OVCH1: variants seen among roughly 807,000 people sequenced by gnomAD.
OVCH1 encodes ovochymase 1.
A neutral mutation model predicts 138.4 loss-of-function variants in OVCH1; 139 were observed. The observed-to-expected ratio is 1.00, with a 90% confidence interval of 0.87 to 1.16. OVCH1 has a LOEUF of 1.16. Among genes scored for constraint, OVCH1 ranks in the 50% most tolerant of loss-of-function variants. The pLI is 0.00. For missense variants in OVCH1, 1,367 were observed against 1,357.9 expected (o/e 1.01, Z -0.11); for synonymous variants, 453 against 467.8 (o/e 0.97, Z 0.41).
chr12:29,457,620 G>T (rs1941997713), intron 19 of OVCH1, among the ~76,000 whole-genome samples: 1 of 151,836 alleles, frequency 6.6e-6, no homozygotes, highest in Admixed American at 6.6e-5. Context: ...GGCCAGGATG[G>T]TCTCGATCTG....
At chr12:29,417,228 G>A (rs1004495613) in intron 3 of OVCH1, among the ~76,000 whole-genome samples, 4 of 152,038 alleles carry the variant, frequency 2.6e-5, no homozygotes, top group Non-Finnish European at 5.9e-5. Flanking sequence ...CAAGGCGGGT[G>A]GATCACCTGA....
intron 1 of OVCH1, among the ~76,000 whole-genome samples, chr12:29,497,384 A>T (rs1408055786): frequency 6.6e-6 from 1 of 152,206 alleles, no homozygotes; most frequent in Non-Finnish European, 1.5e-5. Context: ...TAGTACACAC[A>T]TGATTAGCAG....
At chr12:29,436,077 GTTTTA>G (rs1001760189) in intron 26 of OVCH1, among the ~76,000 whole-genome samples, 2 of 151,862 alleles carry the variant, frequency 1.3e-5, no homozygotes, top group African/African-American at 4.8e-5. Context: ...TATGACAGGT[GTTTTA>G]TTTTAAAAAT....
downstream of OVCH1, among the ~76,000 whole-genome samples, chr12:29,424,749 G>T (rs1001051610): frequency 6.6e-6 from 1 of 152,030 alleles, no homozygotes; most frequent in African/African-American, 2.4e-5. Flanking sequence ...TTAACTATAT[G>T]GCAAGTTATT....
At chr12:29,404,674 G>A in the OVCH1 span, among the ~76,000 whole-genome samples, 1 of 152,146 alleles carries the variant, frequency 6.6e-6, no homozygotes, top group South Asian at 2.1e-4. Context: ...TATGTTTTCA[G>A]TGTTACTAGA....
At chr12:29,487,384 G>T in intron 7 of OVCH1, 1 of 227,990 alleles carries the variant, frequency 4.4e-6, no homozygotes. Context: ...GTAGTACAGA[G>T]AAAAATCATG....
intron 22 of OVCH1, among the ~76,000 whole-genome samples, chr12:29,449,999 C>A (rs1941736392): frequency 6.6e-6 from 1 of 152,138 alleles, no homozygotes; most frequent in African/African-American, 2.4e-5. Context: ...CTCCTTACAT[C>A]TTATACAAAA....
intron 18 of OVCH1, among the ~76,000 whole-genome samples, chr12:29,463,118 T>C (rs1325044541): frequency 6.6e-6 from 1 of 152,216 alleles, no homozygotes; most frequent in Non-Finnish European, 1.5e-5. Flanking sequence ...TGTATGCTTC[T>C]AGCCTTGGGG....
intron 27 of OVCH1, chr12:29,430,850 T>C: frequency 1.9e-6 from 1 of 515,976 alleles, no homozygotes; most frequent in Non-Finnish European, 3.9e-6. Flanking sequence ...TCAGTTCAAA[T>C]TGTTACAAAG....
intron 21 of OVCH1, 146 bp from the exon 22 acceptor site, chr12:29,451,715 A>C: frequency 1.6e-6 from 1 of 629,998 alleles, no homozygotes; most frequent in Non-Finnish European, 2.7e-6. Context: ...CTGTTAGAAA[A>C]CCATTCTATT....
At chr12:29,485,571 G>A (rs1030877377) in intron 8 of OVCH1, among the ~76,000 whole-genome samples, 2 of 151,954 alleles carry the variant, frequency 1.3e-5, no homozygotes, top group African/African-American at 2.4e-5. Flanking sequence ...TCAGGAGATC[G>A]AGACCATCCT....
intron 9 of OVCH1, chr12:29,477,685 A>G (rs1942789803): frequency 7.8e-7 from 1 of 1,288,722 alleles, no homozygotes; most frequent in Non-Finnish European, 1.1e-6. Flanking sequence ...CACATGTCCA[A>G]ATTCTACTTA....
downstream of OVCH1, among the ~76,000 whole-genome samples, chr12:29,410,255 C>T (rs996550889): frequency 5.5e-5 from 8 of 144,996 alleles, no homozygotes; most frequent in African/African-American, 1.7e-4. Context: ...GGTCTTGACT[C>T]TTTATCCAAT....
At position 29,477,246 on chromosome 12, in the gene OVCH1, G is replaced by A. The variant is rs1322566133; in HGVS notation, c.1247-14C>T. The A allele has an allele frequency of 1.9e-6, 3 of 1,613,102 alleles. No individual in the cohort carries two copies. Among genetic ancestry groups the A allele is most frequent in the African/African-American group, 2.7e-5 (2 of 74,876 alleles). ...CACAACCTGACCCTGTGGAAGCATT[G>A]GGGAAATTCAAAGTGAATGGCCAAA... On this transcript the variant is annotated splice_polypyrimidine_tract_variant and intron_variant, in intron 11 of 27. Coordinates refer to ENST00000318184, the Ensembl canonical transcript of OVCH1.
At chr12:29,431,612 C>T (rs1365464218) in intron 27 of OVCH1, among the ~76,000 whole-genome samples, 3 of 152,210 alleles carry the variant, frequency 2.0e-5, no homozygotes, top group African/African-American at 7.2e-5. Flanking sequence ...TACTAACTAC[C>T]TCATATAAAT....
chr12:29,489,683 G>T, exon 6 of OVCH1: 1 of 1,610,092 alleles, frequency 6.2e-7, no homozygotes, highest in Non-Finnish European at 8.5e-7. Context: ...CCAGGGGAGG[G>T]AGGTTCATGC....
downstream of OVCH1, among the ~76,000 whole-genome samples, chr12:29,426,277 G>C (rs1941178340): frequency 6.6e-6 from 1 of 152,106 alleles, no homozygotes. Context: ...CCTTTAAAAA[G>C]TGAGAAATTT....
Position 29,471,991 on chromosome 12 carries a change from A to C in OVCH1, c.1676-9T>G. Reference sequence around the variant, plus strand: ...AGGGATGCCACAGACATCTACAGTAAAGATGAAACCAATGACCCATAAGGT... The same window carrying C: ...AGGGATGCCACAGACATCTACAGTACAGATGAAACCAATGACCCATAAGGT... On this transcript the variant is annotated splice_polypyrimidine_tract_variant and intron_variant, in intron 15 of 27. Transcript: ENST00000318184. 1 of 1,602,414 alleles carries C rather than the reference A, an allele frequency of 6.2e-7. No individual in the cohort carries two copies. Among genetic ancestry groups the C allele is most frequent in the Non-Finnish European group, 8.5e-7 (1 of 1,175,246 alleles).
chr12:29,488,252 G>C lies in OVCH1; in HGVS notation c.703-370C>G, dbSNP rs1943170496. ...CACCTGGAATTGCTAGGAAAGACTAGGTCATCTTCCAAACCTATGGAGCAT... is the reference window on the plus strand; with the variant it reads ...CACCTGGAATTGCTAGGAAAGACTACGTCATCTTCCAAACCTATGGAGCAT... On this transcript the variant is annotated intron_variant, in intron 6 of 27. Coordinates refer to ENST00000318184, the Ensembl canonical transcript of OVCH1. Among the ~76,000 whole-genome samples the C allele has an allele frequency of 2.6e-5, 4 of 151,830 alleles. No homozygotes were observed. In the South Asian group the frequency reaches 8.3e-4, roughly 31 times the overall value.
Sources: gnomAD v4.1 joint callset for allele counts (sites outside exome capture counted in the v4.1 genomes callset) on GRCh38, gnomAD v4.1.1 for gene constraint, MANE v1.5 for transcripts, NCBI Gene and HGNC (gene_info 2026-07-23, HGNC 2026-07-21) for gene names.